The following POLI variants were observed in gnomAD, a reference collection of about 807,000 sequenced individuals.
POLI encodes the protein DNA polymerase iota.
POLI carries 58 observed loss-of-function variants against 51.6 expected under a neutral mutation model. The ratio of observed to expected loss-of-function variants is 1.12; its 90% CI spans 0.91 to 1.40. The LOEUF (loss-of-function observed/expected upper bound fraction) is 1.40, where lower values mean the gene tolerates loss of function less well. POLI is among the 40% of genes most tolerant of loss of function. The probability of loss-of-function intolerance (pLI) is 0.00; values close to 1 mark genes in which losing one functional copy is unlikely to be tolerated. For missense variants in POLI, 921 were observed against 871.3 expected, an observed-to-expected ratio of 1.06 and a Z score of -0.72; for synonymous variants, 322 against 299.7, an observed-to-expected ratio of 1.07 and a Z score of -0.77.
chr18:54,284,371 G>T (rs1324321306), intron 7 of POLI, among the ~76,000 whole-genome samples: 2 of 152,172 alleles, frequency 1.3e-5, no homozygotes, highest in Admixed American at 1.3e-4. Context: ...CAATTGCAAA[G>T]CCTCTGCCCT....
At chr18:54,274,911 C>G (rs2087171506) in intron 3 of POLI, 1 of 151,730 alleles carries the variant, frequency 6.6e-6, no homozygotes, top group Non-Finnish European at 1.5e-5. Context: ...AAAAATAAAC[C>G]TAATAACAAA....
chr18:54,269,875 A>G (rs1014332482), intron 1 of POLI: 1 of 1,293,744 alleles, frequency 7.7e-7, no homozygotes, highest in Non-Finnish European at 9.8e-7. Flanking sequence ...GCGCGTCCAC[A>G]CTACAAATAC....
At chr18:54,308,177 C>T (rs980029783) in intron 3 of POLI, among the ~76,000 whole-genome samples, 5 of 152,134 alleles carry the variant, frequency 3.3e-5, no homozygotes, top group Non-Finnish European at 7.4e-5. Context: ...TTCCTAGCCT[C>T]GATGGTCTTT....
At chr18:54,304,970 T>G (rs2088557462) in intron 3 of POLI, among the ~76,000 whole-genome samples, 1 of 152,250 alleles carries the variant, frequency 6.6e-6, no homozygotes, top group Non-Finnish European at 1.5e-5. Context: ...AGTTTCAGCT[T>G]TCTACATATG....
chr18:54,274,885 C>T (rs984651484), intron 3 of POLI: 1 of 151,930 alleles, frequency 6.6e-6, no homozygotes, highest in African/African-American at 2.4e-5. Context: ...ACAAAGACCT[C>T]TTAGAAATTA....
chr18:54,321,185 G>T (rs971236896), exon 5 of POLI: 4 of 152,116 alleles, frequency 2.6e-5, no homozygotes, highest in African/African-American at 9.7e-5. Flanking sequence ...CCTAACCCCA[G>T]AAACCACTAA....
Position 54,295,662 on chromosome 18 carries a change from C to G in POLI, c.*1195C>G, listed in dbSNP as rs1656043291. The G allele has an allele frequency of 2.4e-6, 1 of 421,866 alleles. No homozygotes were observed. The highest frequency in any genetic ancestry group is 3.2e-6 in the Non-Finnish European group (1 of 315,620). The allele number at this position is 421,866 out of a possible 1,614,324, so 26.1% of individuals were successfully genotyped here. On this transcript the variant is annotated 3_prime_UTR_variant, in exon 10 of 10. Transcript: ENST00000579534. The stretch of plus-strand genomic sequence containing the variant: ...TTTGTTTTGGAGACAGAGTCTCACT[C>G]TGTCGCCCAGGGTGGAGTACAGTGG...
intron 3 of POLI, among the ~76,000 whole-genome samples, chr18:54,309,675 T>C (rs2144643488): frequency 6.6e-6 from 1 of 152,322 alleles, no homozygotes; most frequent in East Asian, 1.9e-4. Context: ...AGCTATGCCC[T>C]GCCCTCAGAG....
chr18:54,284,645 G>C (rs2087665203), intron 7 of POLI: 1 of 152,224 alleles, frequency 6.6e-6, no homozygotes, highest in Non-Finnish European at 1.5e-5. Context: ...AAGAACCCTT[G>C]TATCTCTTTT....
At chr18:54,307,291 G>C (rs551339829) in intron 3 of POLI, among the ~76,000 whole-genome samples, 1 of 151,976 alleles carries the variant, frequency 6.6e-6, no homozygotes, top group African/African-American at 2.4e-5. Flanking sequence ...CTGGTACATT[G>C]TGTCTTTGTT....
chr18:54,286,130 T>TACG (rs2087729464), intron 7 of POLI, among the ~76,000 whole-genome samples: 1 of 152,200 alleles, frequency 6.6e-6, no homozygotes, highest in African/African-American at 2.4e-5. Context: ...TCCCAAAGTG[T>TACG]TGGGATTACA....
chr18:54,291,791 T>A, intron 8 of POLI, 42 bp from the exon 9 acceptor site: 1 of 910,348 alleles, frequency 1.1e-6, no homozygotes, highest in Non-Finnish European at 1.7e-6. Flanking sequence ...TATTATGCTC[T>A]TAATATTAAT....
At chr18:54,271,199 T>G in intron 1 of POLI, 161 bp from the exon 2 acceptor site, 1 of 539,668 alleles carries the variant, frequency 1.9e-6, no homozygotes, top group Non-Finnish European at 3.2e-6. Context: ...CTAAGTGGAG[T>G]TTCATGTCTT....
chr18:54,288,427 T>C (rs550583679), intron 8 of POLI, among the ~76,000 whole-genome samples: 2 of 152,320 alleles, frequency 1.3e-5, no homozygotes, highest in African/African-American at 2.4e-5. Flanking sequence ...CATTCTTTGC[T>C]TTGCATGTGG....
chr18:54,293,513 T>C, intron 9 of POLI, 136 bp from the exon 10 acceptor site: 1 of 596,088 alleles, frequency 1.7e-6, no homozygotes, highest in Non-Finnish European at 2.9e-6. Flanking sequence ...TCTAGTTGTT[T>C]GGAACTGGCC....
intron 1 of POLI, 198 bp downstream of exon 1, chr18:54,269,859 G>T (rs185445719): frequency 6.0e-6 from 8 of 1,328,854 alleles, no homozygotes; most frequent in Admixed American, 8.1e-5. Flanking sequence ...GCAGGAGTAG[G>T]GTGGGGCGCG....
At chr18:54,300,745 T>C (rs536939428), downstream of POLI, among the ~76,000 whole-genome samples, 5 of 152,188 alleles carry the variant, frequency 3.3e-5, no homozygotes, top group East Asian at 9.6e-4. Flanking sequence ...AAGACAAATA[T>C]GTTAAAAGTA....
chr18:54,274,372 G>C (rs1021197356), intron 3 of POLI, among the ~76,000 whole-genome samples: 1 of 151,888 alleles, frequency 6.6e-6, no homozygotes, highest in Non-Finnish European at 1.5e-5. Flanking sequence ...GTGAGAAAAT[G>C]GGAAACTGTA....
At chr18:54,308,388 T>C (rs2088622209) in intron 3 of POLI, among the ~76,000 whole-genome samples, 1 of 152,234 alleles carries the variant, frequency 6.6e-6, no homozygotes, top group Admixed American at 6.5e-5. Context: ...ATTCTTTTCT[T>C]TAAGAATGTT....
Sources: gnomAD v4.1 joint callset for allele counts (sites outside exome capture counted in the v4.1 genomes callset) on GRCh38, gnomAD v4.1.1 for gene constraint, MANE v1.5 for transcripts, NCBI Gene and HGNC (gene_info 2026-07-23, HGNC 2026-07-21) for gene names.